CDH8: variants seen among roughly 807,000 people sequenced by gnomAD.
The protein encoded by CDH8 is cadherin 8, also known as cadherin-8.
A neutral mutation model predicts 68.1 loss-of-function variants in CDH8; 17 were observed. The ratio of observed to expected loss-of-function variants is 0.25; its 90% CI spans 0.17 to 0.37. CDH8 has a LOEUF of 0.37. CDH8 is among the 10% of genes least tolerant of loss of function. The pLI is 1.00. For missense variants in CDH8, 763 were observed against 999.3 expected, an observed-to-expected ratio of 0.76 and a Z score of 3.19; for synonymous variants, 372 against 365.1, an observed-to-expected ratio of 1.02 and a Z score of -0.21.
intron 2 of CDH8, among the ~76,000 whole-genome samples, chr16:61,958,783 T>C (rs572145091): frequency 6.6e-6 from 1 of 152,300 alleles, no homozygotes; most frequent in South Asian, 2.1e-4. Flanking sequence ...TCTGAGATTA[T>C]CTACTAAGAT....
intron 8 of CDH8, among the ~76,000 whole-genome samples, chr16:61,751,211 T>C (rs1192189377): frequency 1.3e-5 from 2 of 151,706 alleles, no homozygotes; most frequent in Non-Finnish European, 2.9e-5. Context: ...TGTGCCTAAC[T>C]CTAAAACACA....
intron 10 of CDH8, among the ~76,000 whole-genome samples, chr16:61,676,568 T>C (rs1477719456): frequency 6.6e-6 from 1 of 152,086 alleles, no homozygotes; most frequent in Admixed American, 6.6e-5. Flanking sequence ...GATTCATTCA[T>C]GATCAAATTT....
At position 61,966,269 on chromosome 16, in the gene CDH8, G is replaced by A. The variant is rs113292515; in HGVS notation, c.252+54883C>T. On this transcript the variant is annotated intron_variant, in intron 2 of 11. Coordinates refer to ENST00000577390, the MANE Select transcript of CDH8 (RefSeq NM_001796.5). ...AAAAATAGAATGTGGGCCGGGCGCC[G>A]TGGCTCACGTCTGTAATCCCAGCAC... is the stretch of plus-strand genomic sequence containing the variant. Among the ~76,000 whole-genome samples, 11 of 152,228 alleles carry A rather than the reference G, an allele frequency of 7.2e-5. No homozygotes were observed. The East Asian group carries it at 1.2e-3, about 16-fold the overall frequency.
intron 4 of CDH8, among the ~76,000 whole-genome samples, chr16:61,829,592 C>G (rs573481965): frequency 6.6e-5 from 10 of 151,766 alleles, no homozygotes; most frequent in Non-Finnish European, 2.9e-5. Context: ...AGAGTAATAC[C>G]TATTCATTTA....
At chr16:61,736,160 G>GGAAGGAAAC (rs1959681075) in intron 8 of CDH8, among the ~76,000 whole-genome samples, 2 of 144,118 alleles carry the variant, frequency 1.4e-5, no homozygotes, top group Admixed American at 7.0e-5. Context: ...AGGAAGGAAA[G>GGAAGGAAAC]AAGGAAGGAA....
intron 4 of CDH8, among the ~76,000 whole-genome samples, chr16:61,841,512 G>C (rs955169358): frequency 6.6e-6 from 1 of 152,136 alleles, no homozygotes; most frequent in African/African-American, 2.4e-5. Flanking sequence ...GTTATCAGAG[G>C]CTGGGAAAGG....
At chr16:61,768,209 A>G (rs1050924150) in intron 8 of CDH8, among the ~76,000 whole-genome samples, 2 of 151,764 alleles carry the variant, frequency 1.3e-5, no homozygotes, top group Non-Finnish European at 2.9e-5. Flanking sequence ...TGAGGTTAAG[A>G]TGTGTAATTT....
intron 2 of CDH8, among the ~76,000 whole-genome samples, chr16:61,917,062 AGTGTGT>A (rs57232370): frequency 0.26 from 35,129 of 137,154 alleles, 4,650 homozygotes; most frequent in African/African-American, 0.38. Context: ...TTTACCTATT[AGTGTGT>A]GTGTGTGTGT....
chr16:61,801,259 G>A (rs1259684973), intron 7 of CDH8, among the ~76,000 whole-genome samples: 1 of 152,116 alleles, frequency 6.6e-6, no homozygotes, highest in African/African-American at 2.4e-5. Flanking sequence ...CTAATAGCCA[G>A]GTCTAGTATA....
intron 2 of CDH8, among the ~76,000 whole-genome samples, chr16:61,967,914 T>C (rs1467358375): frequency 6.6e-6 from 1 of 152,202 alleles, no homozygotes; most frequent in African/African-American, 2.4e-5. Context: ...GTTCAAGCAA[T>C]TCTCCTGCCT....
At chr16:61,755,162 T>C (rs1960279221) in intron 8 of CDH8, among the ~76,000 whole-genome samples, 1 of 152,202 alleles carries the variant, frequency 6.6e-6, no homozygotes, top group African/African-American at 2.4e-5. Flanking sequence ...AGTTAGAATA[T>C]GGGCCTCAGG....
intron 2 of CDH8, among the ~76,000 whole-genome samples, chr16:61,925,590 A>G (rs993078521): frequency 5.3e-5 from 8 of 152,168 alleles, no homozygotes; most frequent in African/African-American, 1.9e-4. Context: ...ATTAGGCCTC[A>G]TTAGGAAATA....
intron 8 of CDH8, among the ~76,000 whole-genome samples, chr16:61,768,345 T>C (rs987529095): frequency 3.5e-5 from 4 of 112,936 alleles, no homozygotes; most frequent in African/African-American, 1.4e-4. Context: ...TCTCTCTCTC[T>C]CTCTCTCTCT....
At chr16:61,908,022 G>A (rs1005708399) in intron 2 of CDH8, among the ~76,000 whole-genome samples, 10 of 138,034 alleles carry the variant, frequency 7.2e-5, no homozygotes, top group South Asian at 4.7e-4. Context: ...CAGCCTGCGC[G>A]ACAGAGTGAG....
At chr16:61,959,819 C>T (rs76333527) in intron 2 of CDH8, among the ~76,000 whole-genome samples, 3,465 of 147,366 alleles carry the variant, frequency 0.024, 156 homozygotes, top group African/African-American at 0.081. Context: ...ATCTCTCTCT[C>T]TCTGTATGTG....
In CDH8 at chr16:61,653,868, G is replaced by C. The variant is rs761735900; in HGVS notation, c.2140C>G (p.Pro714Ala). ...TCGACATCAACACCATTTGGAACTGGAGCAAGCCCTTGCCTTGGCATAAAC... is the reference window on the plus strand; with the variant it reads ...TCGACATCAACACCATTTGGAACTGCAGCAAGCCCTTGCCTTGGCATAAAC... ...LQFMPRQGLA[P>A]VPNGVDVDEF... Residue 714 changes from proline (P) to alanine (A), a missense_variant, in exon 12 of 12, where the codon CCA (proline) becomes GCA (alanine). Physicochemically the swap from Pro to Ala is conservative, Grantham distance 27. Transcript: ENST00000577390. The C allele has an allele frequency of 4.3e-6, 7 of 1,614,082 alleles. No individual in the cohort carries two copies. The highest frequency in any genetic ancestry group is 5.1e-6 in the Non-Finnish European group (6 of 1,180,054).
chr16:61,842,178 A>G (rs912819406), intron 4 of CDH8, among the ~76,000 whole-genome samples: 1 of 151,498 alleles, frequency 6.6e-6, no homozygotes, highest in African/African-American at 2.4e-5. Context: ...AAGTGCTGGC[A>G]TTACGGGCAT....
At chr16:61,817,401 G>C in intron 7 of CDH8, 78 bp downstream of exon 7, 1 of 1,418,706 alleles carries the variant, frequency 7.0e-7, no homozygotes, top group Non-Finnish European at 9.9e-7. Flanking sequence ...GAGCCCCACA[G>C]AAGGTACAAG....
intron 10 of CDH8, among the ~76,000 whole-genome samples, chr16:61,704,741 A>G (rs1964498632): frequency 6.6e-6 from 1 of 152,202 alleles, no homozygotes; most frequent in South Asian, 2.1e-4. Flanking sequence ...GTCTGATTTT[A>G]ACGTTTGTGA....
Sources: allele counts gnomAD v4.1 joint callset (sites outside exome capture counted in the v4.1 genomes callset), GRCh38; gene constraint gnomAD v4.1.1; transcripts MANE v1.5; gene names NCBI Gene and HGNC (gene_info 2026-07-23, HGNC 2026-07-21).